The following ADGRG6 variants were observed in gnomAD, a reference collection of about 807,000 sequenced individuals.
ADGRG6 encodes the protein G-protein coupled receptor 126.
ADGRG6 carries 84 observed loss-of-function variants against 142.4 expected under a neutral mutation model. That is an observed-to-expected ratio of 0.59 (90% CI 0.49 to 0.71). The LOEUF is 0.71. ADGRG6 is among the 30% of genes least tolerant of loss of function. ADGRG6 has a pLI of 0.00. For synonymous variants in ADGRG6, 521 were observed against 520.5 expected (o/e 1.00, Z -0.01); for missense variants, 1,367 against 1,466.6 (o/e 0.93, Z 1.11).
At chr6:142,378,775 T>C (rs1024216218) in intron 4 of ADGRG6, among the ~76,000 whole-genome samples, 4 of 152,184 alleles carry the variant, frequency 2.6e-5, no homozygotes, top group African/African-American at 9.7e-5. Context: ...ACTACCAAAA[T>C]CCCAATGCAA....
chr6:142,410,652 C>G (rs1313699623), intron 17 of ADGRG6, among the ~76,000 whole-genome samples: 1 of 151,994 alleles, frequency 6.6e-6, no homozygotes, highest in African/African-American at 2.4e-5. Context: ...CTTGTCACAG[C>G]AAGACAGGAG....
At chr6:142,402,433 G>C (rs975632500) in intron 12 of ADGRG6, among the ~76,000 whole-genome samples, 187 bp from the exon 13 acceptor site, 1 of 152,104 alleles carries the variant, frequency 6.6e-6, no homozygotes, top group Non-Finnish European at 1.5e-5. Context: ...TTACTAAAGA[G>C]AGAAGTTAGT....
At chr6:142,374,018 A>G (rs1036713267) in intron 4 of ADGRG6, among the ~76,000 whole-genome samples, 3 of 151,454 alleles carry the variant, frequency 2.0e-5, no homozygotes, top group Admixed American at 1.3e-4. Flanking sequence ...TCTTATAAAT[A>G]AAGTTTAATT....
chr6:142,412,062 C>T (rs1223752732), intron 18 of ADGRG6, among the ~76,000 whole-genome samples: 1 of 152,102 alleles, frequency 6.6e-6, no homozygotes, highest in Non-Finnish European at 1.5e-5. Context: ...AGCCAGCTTG[C>T]CAAACAGTTT....
In ADGRG6 at chr6:142,400,570, G is replaced by A. The variant is rs780906871; in HGVS notation, c.1653G>A (p.Lys551=). The A allele has an allele frequency of 5.0e-6, 8 of 1,597,292 alleles. No individual in the cohort carries two copies. The East Asian group carries it at 1.3e-4, about 27-fold the overall frequency. ...PSEYVLPCPD[K]PGFSASRICF... ...AATACGTTCTTCCTTGTCCAGACAA[G>A]CCTGGCTTTTCTGCTTCTCGGATAT... Residue 551 remains lysine (K), a synonymous_variant, in exon 11 of 25, where the codon AAG becomes AAA. Coordinates refer to ENST00000367609, the MANE Select transcript of ADGRG6 (RefSeq NM_198569.3).
In ADGRG6 at chr6:142,400,511, A is replaced by C. The variant is rs1431206863; in HGVS notation, c.1594A>C (p.Lys532Gln). 1 of 1,590,536 alleles carries C rather than the reference A, an allele frequency of 6.3e-7. No individual in the cohort carries two copies. Among genetic ancestry groups the C allele is most frequent in the East Asian group, 2.2e-5 (1 of 44,712 alleles). ...LGHCLAMEEP[K>Q]GYYWPSIQPS... is the part of the protein sequence containing the mutation. ...TCATTGTCTTGCCATGGAGGAACCC[A>C]AAGGCTACTACTGGCCATCTATCCA... The change falls in exon 11 of 25, where the codon AAA (lysine) becomes CAA (glutamine). Residue 532 changes from lysine to glutamine, a missense_variant. Transcript: ENST00000367609.
chr6:142,433,071 ACT>A (rs1777291352), intron 22 of ADGRG6, among the ~76,000 whole-genome samples: 1 of 152,112 alleles, frequency 6.6e-6, no homozygotes, highest in South Asian at 2.1e-4. Context: ...CTAAAATGTG[ACT>A]CTGTTAAACA....
intron 2 of ADGRG6, among the ~76,000 whole-genome samples, chr6:142,365,183 T>C (rs1780889647): frequency 6.6e-6 from 1 of 152,170 alleles, no homozygotes; most frequent in Admixed American, 6.6e-5. Context: ...TGTCAGAAAG[T>C]CCTAATCATT....
intron 2 of ADGRG6, among the ~76,000 whole-genome samples, chr6:142,319,853 A>G (rs541861704): frequency 6.6e-6 from 1 of 152,256 alleles, no homozygotes; most frequent in South Asian, 2.1e-4. Context: ...GGGCTAATTT[A>G]AGTTTAAAAC....
At chr6:142,378,941 C>T (rs1207702582) in intron 4 of ADGRG6, among the ~76,000 whole-genome samples, 1 of 152,134 alleles carries the variant, frequency 6.6e-6, no homozygotes, top group African/African-American at 2.4e-5. Flanking sequence ...TTTCTTATAT[C>T]TGATGCTTAA....
At chr6:142,355,499 A>G in intron 2 of ADGRG6, among the ~76,000 whole-genome samples, 1 of 152,180 alleles carries the variant, frequency 6.6e-6, no homozygotes, top group East Asian at 1.9e-4. Flanking sequence ...AATCAAGAGC[A>G]TAGAAGCAAT....
chr6:142,373,788 CCCT>C (rs1355154987), intron 4 of ADGRG6, among the ~76,000 whole-genome samples: 1 of 152,100 alleles, frequency 6.6e-6, no homozygotes, highest in Non-Finnish European at 1.5e-5. Context: ...ATGTGATCCT[CCCT>C]CCTCAGCCTC....
chr6:142,307,514 T>C (rs1396265178), intron 1 of ADGRG6, among the ~76,000 whole-genome samples: 2 of 152,056 alleles, frequency 1.3e-5, no homozygotes, highest in Non-Finnish European at 2.9e-5. Context: ...GACGGAAGTT[T>C]GTCACCTACC....
intron 2 of ADGRG6, among the ~76,000 whole-genome samples, chr6:142,337,786 A>C (rs1325973616): frequency 6.6e-6 from 1 of 152,048 alleles, no homozygotes; most frequent in Non-Finnish European, 1.5e-5. Flanking sequence ...TGGAATAACA[A>C]TAATATTTTA....
At chr6:142,315,355 A>G (rs1303557550) in intron 2 of ADGRG6, among the ~76,000 whole-genome samples, 1 of 151,010 alleles carries the variant, frequency 6.6e-6, no homozygotes, top group Non-Finnish European at 1.5e-5. Context: ...GTATTCAGTA[A>G]GTAAAGAAGA....
Position 142,375,591 on chromosome 6 carries a change from T to C in ADGRG6, c.1069+4798T>C, listed in dbSNP as rs987056835. 3.3e-5 allele frequency among the ~76,000 whole-genome samples: 5 copies of C among 152,190 alleles called. No homozygotes were observed. In the South Asian group the frequency reaches 8.3e-4, roughly 25 times the overall value. On this transcript the variant is annotated intron_variant, in intron 4 of 24. Transcript: ENST00000367609. ...CCTGTTAACATTTTAACCTTTCATT[T>C]TTTTTCCAGGAAATGAAAGCATCTT... is the stretch of plus-strand genomic sequence containing the variant.
intron 22 of ADGRG6, among the ~76,000 whole-genome samples, chr6:142,421,355 G>A (rs886346457): frequency 6.6e-6 from 1 of 152,122 alleles, no homozygotes; most frequent in African/African-American, 2.4e-5. Context: ...TATAACAAAG[G>A]AAGTATGTAG....
At chr6:142,342,693 A>T (rs990022516) in intron 2 of ADGRG6, among the ~76,000 whole-genome samples, 3 of 152,092 alleles carry the variant, frequency 2.0e-5, no homozygotes, top group Non-Finnish European at 2.9e-5. Context: ...TAAGATATTT[A>T]AAAAATTACC....
chr6:142,303,720 T>C (rs1428629683), intron 1 of ADGRG6, among the ~76,000 whole-genome samples: 1 of 152,236 alleles, frequency 6.6e-6, no homozygotes, highest in Non-Finnish European at 1.5e-5. Flanking sequence ...ACAGCAGGTA[T>C]TTGCCCAGTT....
Sources: allele counts gnomAD v4.1 joint callset (sites outside exome capture counted in the v4.1 genomes callset), GRCh38; gene constraint gnomAD v4.1.1; transcripts MANE v1.5; gene names NCBI Gene and HGNC (gene_info 2026-07-23, HGNC 2026-07-21).